The following NEMF variants were observed in gnomAD, a reference collection of about 807,000 sequenced individuals.
NEMF encodes the protein nuclear export mediator factor, also known as ribosome quality control complex subunit NEMF.
In NEMF, 89 loss-of-function variants were observed where a neutral mutation model predicts 162.2. That is an observed-to-expected ratio of 0.55 (90% CI 0.46 to 0.65). The LOEUF (loss-of-function observed/expected upper bound fraction) is 0.65, where lower values mean the gene tolerates loss of function less well. Ranked by LOEUF, NEMF falls within the 30% of genes least tolerant of loss-of-function variation. The pLI is 0.00. For synonymous variants in NEMF, 421 were observed against 404.5 expected, an observed-to-expected ratio of 1.04 and a Z score of -0.49; for missense variants, 1,133 against 1,261.9, an observed-to-expected ratio of 0.90 and a Z score of 1.55.
At chr14:49,828,125 G>A (rs1470637920) in intron 15 of NEMF, among the ~76,000 whole-genome samples, 166 bp downstream of exon 15, 1 of 152,168 alleles carries the variant, frequency 6.6e-6, no homozygotes. Context: ...TAGGGGAGGA[G>A]CAGTCCTGGG....
Position 49,782,899 on chromosome 14 carries a change from CTTACTTCACAGTG to C in NEMF, c.*1724_*1736del, listed in dbSNP as rs1889975807. On this transcript the variant is annotated 3_prime_UTR_variant, in exon 33 of 33. Transcript: ENST00000298310. ...ACTCATGGAACTGCCTTCCAAAACA[CTTACTTCACAGTG>C]TTAATCAGAGGTTTGGTAGTAACAA... 1 of 1,613,676 alleles carries C rather than the reference CTTACTTCACAGTG, an allele frequency of 6.2e-7. No homozygotes were observed. Among genetic ancestry groups the C allele is most frequent in the Non-Finnish European group, 8.5e-7 (1 of 1,179,762 alleles).
intron 10 of NEMF, among the ~76,000 whole-genome samples, 165 bp downstream of exon 10, chr14:49,831,886 A>G (rs1892656056): frequency 1.3e-5 from 2 of 152,256 alleles, no homozygotes; most frequent in African/African-American, 4.8e-5. Flanking sequence ...TAAAGTGGCA[A>G]CAATTATTTC....
chr14:49,852,701 T>C lies in NEMF; in HGVS notation c.53A>G (p.Asn18Ser). The C allele has an allele frequency of 1.2e-6, 2 of 1,614,242 alleles. No individual in the cohort carries two copies. The highest frequency in any genetic ancestry group is 1.7e-6 in the Non-Finnish European group (2 of 1,180,032). The change falls in exon 1 of 33, where the codon AAT becomes AGT. Residue 18 changes from asparagine (N) to serine (S), a missense_variant. Physicochemically the swap from Asn to Ser is conservative, Grantham distance 46. Around this residue, in one of 3 missense-constraint regions of NEMF, gnomAD observed 582 missense variants for 631.5 expected, o/e 0.92. Transcript: ENST00000298310. The part of the protein sequence containing the change: ...IDLRAVLAEL[N>S]ASLLGMRVNN... ...GTCACTTAGGGTACTGTACCTAGCATTCAGCTCCGCGAGTACGGCGCGGAG... is the reference window on the plus strand; with the variant it reads ...GTCACTTAGGGTACTGTACCTAGCACTCAGCTCCGCGAGTACGGCGCGGAG...
chr14:49,807,673 T>C (rs1431536882), intron 18 of NEMF, among the ~76,000 whole-genome samples: 1 of 150,446 alleles, frequency 6.6e-6, no homozygotes, highest in Non-Finnish European at 1.5e-5. Flanking sequence ...CTCGGCTCAC[T>C]GCAACCTCCA....
intron 4 of NEMF, among the ~76,000 whole-genome samples, chr14:49,841,196 CAAAAAAAAAAAAAAA>C (rs34039009): frequency 1.1e-4 from 6 of 56,800 alleles, no homozygotes; most frequent in African/African-American, 4.5e-4. Flanking sequence ...AACTCTGTCT[CAAAAAAAAAAAAAAA>C]AAAAAAGGAA....
chr14:49,834,062 ATTT>A, intron 7 of NEMF: 3 of 400,622 alleles, frequency 7.5e-6, no homozygotes, highest in Admixed American at 3.2e-5. Flanking sequence ...ATCTCATTCA[ATTT>A]TTTTTTTTGA....
intron 16 of NEMF, among the ~76,000 whole-genome samples, chr14:49,823,763 TA>T (rs1654337799): frequency 6.6e-6 from 1 of 152,166 alleles, no homozygotes; most frequent in Non-Finnish European, 1.5e-5. Flanking sequence ...CATAATGGAT[TA>T]AAACATCACC....
chr14:49,833,714 C>G (rs1402830043), intron 7 of NEMF, among the ~76,000 whole-genome samples: 1 of 152,174 alleles, frequency 6.6e-6, no homozygotes, highest in African/African-American at 2.4e-5. Context: ...AATCATCCAC[C>G]TTTCCCTCCA....
chr14:49,800,527 T>G lies in NEMF; in HGVS notation c.2265A>C (p.Glu755Asp), dbSNP rs201819692. 5.0e-6 allele frequency: 8 copies of G among 1,614,084 alleles called. No individual in the cohort carries two copies. Among genetic ancestry groups the G allele is most frequent in the African/African-American group, 1.3e-5 (1 of 75,050 alleles). The change falls in exon 23 of 33, where the codon GAA (glutamate) becomes GAC (aspartate). Residue 755 changes from glutamate (E) to aspartate (D), a missense_variant. Physicochemically the swap from Glu to Asp is conservative, Grantham distance 45. Around this residue, in one of 3 missense-constraint regions of NEMF, gnomAD observed 532 missense variants for 578.6 expected, o/e 0.92. Transcript: ENST00000298310. ...EESSEDEGEYEEVRKDQDSVG... is the reference protein window; with the variant it reads ...EESSEDEGEYDEVRKDQDSVG... ...CAGAATCCTGATCTTTTCTAACCTC[T>G]TCATATTCTCCTTCGTCTTCAGAGC...
In NEMF at chr14:49,837,049, T is replaced by G. The variant is rs549188240; in HGVS notation, c.574+1090A>C. Among the ~76,000 whole-genome samples, 7 of 152,210 alleles carry G rather than the reference T, an allele frequency of 4.6e-5. No individual in the cohort carries two copies. In the South Asian group the frequency reaches 1.4e-3, roughly 32 times the overall value. The stretch of plus-strand genomic sequence containing the variant: ...CAGCACTTTGGGAGGCCAAGGCAGG[T>G]GGATCACGAGGTCAAGAGATCAAGA... On this transcript the variant is annotated intron_variant, in intron 6 of 32. Transcript: ENST00000298310.
intron 4 of NEMF, among the ~76,000 whole-genome samples, chr14:49,842,733 G>A (rs1315152410): frequency 2.6e-5 from 4 of 152,192 alleles, no homozygotes; most frequent in East Asian, 1.9e-4. Flanking sequence ...CAGGCCAGGC[G>A]CAGTGGCTCA....
intron 29 of NEMF, chr14:49,786,457 C>T: frequency 2.1e-6 from 1 of 467,304 alleles, no homozygotes; most frequent in Non-Finnish European, 3.8e-6. Context: ...ATGCCCTTTA[C>T]ATACATTAGT....
At chr14:49,832,465 G>A (rs1832780946) in intron 8 of NEMF, among the ~76,000 whole-genome samples, 188 bp from the exon 9 acceptor site, 1 of 151,930 alleles carries the variant, frequency 6.6e-6, no homozygotes, top group Non-Finnish European at 1.5e-5. Flanking sequence ...CCAAGTAGCT[G>A]GGATTACAGG....
chr14:49,819,417 A>G (rs1402361422), intron 16 of NEMF, among the ~76,000 whole-genome samples: 2 of 140,920 alleles, frequency 1.4e-5, no homozygotes, highest in Non-Finnish European at 1.5e-5. Flanking sequence ...ATATATATAT[A>G]TATGTTTATT....
At chr14:49,785,407 A>AT (rs540304584) in intron 29 of NEMF, 87 bp from the exon 30 acceptor site, 187 of 868,750 alleles carry the variant, frequency 2.2e-4, no homozygotes, top group East Asian at 4.1e-4. Context: ...ATCTCAACAT[A>AT]TTTTTTATCT....
intron 8 of NEMF, among the ~76,000 whole-genome samples, chr14:49,833,009 T>C (rs1892719851): frequency 6.6e-6 from 1 of 152,212 alleles, no homozygotes; most frequent in African/African-American, 2.4e-5. Context: ...CCCATGTCTA[T>C]AATCCCAGCA....
At chr14:49,831,123 C>T (rs1454821959) in intron 11 of NEMF, among the ~76,000 whole-genome samples, 176 bp downstream of exon 11, 2 of 152,146 alleles carry the variant, frequency 1.3e-5, no homozygotes, top group African/African-American at 2.4e-5. Flanking sequence ...TACTTTTCAA[C>T]AATAAAATCC....
At chr14:49,846,361 G>A in intron 3 of NEMF, 96 bp from the exon 4 acceptor site, 1 of 1,148,002 alleles carries the variant, frequency 8.7e-7, no homozygotes, top group Non-Finnish European at 1.3e-6. Flanking sequence ...TTATCATCAG[G>A]AATATTTAAA....
At chr14:49,836,425 G>A (rs1296409708) in intron 6 of NEMF, among the ~76,000 whole-genome samples, 2 of 152,170 alleles carry the variant, frequency 1.3e-5, no homozygotes, top group African/African-American at 4.8e-5. Flanking sequence ...GCTGAGGCGG[G>A]CAGACTGCTT....
Sources: allele counts gnomAD v4.1 joint callset (sites outside exome capture counted in the v4.1 genomes callset), GRCh38; gene constraint gnomAD v4.1.1; regional missense constraint gnomAD v4.1.1; transcripts MANE v1.5; gene names NCBI Gene and HGNC (gene_info 2026-07-23, HGNC 2026-07-21).